Variants in PUM2 observed in about 807,000 individuals in gnomAD.
PUM2 encodes the protein pumilio homolog 2.
In PUM2, 57 loss-of-function variants were observed where a neutral mutation model predicts 124.5. The ratio of observed to expected loss-of-function variants is 0.46; its 90% confidence interval spans 0.37 to 0.57. PUM2 has a LOEUF of 0.57. PUM2 is among the 20% of genes least tolerant of loss of function. The pLI, the probability that PUM2 is intolerant of heterozygous loss-of-function variation, is 0.00. For missense variants in PUM2, 1,065 were observed against 1,290.6 expected (o/e 0.83, Z 2.68); for synonymous variants, 460 against 446.1 (o/e 1.03, Z -0.39).
chr2:20,265,356 T>C (rs1169511110), intron 13 of PUM2, among the ~76,000 whole-genome samples: 2 of 152,178 alleles, frequency 1.3e-5, no homozygotes, highest in African/African-American at 2.4e-5. Flanking sequence ...TCAGCACCCA[T>C]GCATGATATT....
chr2:20,299,349 C>T (rs1161024291), intron 7 of PUM2, among the ~76,000 whole-genome samples: 2 of 151,926 alleles, frequency 1.3e-5, no homozygotes, highest in African/African-American at 4.8e-5. Flanking sequence ...TCTGTGTTGT[C>T]ATGGCATGAG....
At chr2:20,307,083 G>A (rs1370340103) in intron 7 of PUM2, among the ~76,000 whole-genome samples, 1 of 152,054 alleles carries the variant, frequency 6.6e-6, no homozygotes, top group Admixed American at 6.5e-5. Flanking sequence ...AGATGTGGTG[G>A]CAGACGCCTG....
chr2:20,322,586 T>C lies in PUM2; in HGVS notation c.52-3941A>G, dbSNP rs567645375. Among the ~76,000 whole-genome samples the C allele has an allele frequency of 7.9e-5, 12 of 152,052 alleles. No homozygotes were observed. In the East Asian group the frequency reaches 2.3e-3, roughly 29 times the overall value. Reference sequence around the variant, plus strand: ...AATTAGCTGAGGCAGGCAGACTGCTTGAGCTCAGGAGTTGAAGACCAGCCT... The same window carrying C: ...AATTAGCTGAGGCAGGCAGACTGCTCGAGCTCAGGAGTTGAAGACCAGCCT... On this transcript the variant is annotated intron_variant, in intron 2 of 20. Coordinates refer to ENST00000361078, the MANE Select transcript of PUM2 (RefSeq NM_015317.5).
rs1191331478 is a variant in PUM2, at chr2:20,249,077, G to A, written c.*2508C>T. Reference sequence around the variant, plus strand: ...AGGCCTGAAAGTATTGGGAAGATTGGGTTGTCAGCACTGGGACAAATGGGA... The same window carrying A: ...AGGCCTGAAAGTATTGGGAAGATTGAGTTGTCAGCACTGGGACAAATGGGA... On this transcript the variant is annotated 3_prime_UTR_variant, in exon 21 of 21. Transcript: ENST00000361078. 2.0e-5 allele frequency: 3 copies of A among 152,204 alleles called. No individual in the cohort carries two copies. Among genetic ancestry groups the A allele is most frequent in the Non-Finnish European group, 4.4e-5 (3 of 68,056 alleles). 9.4% of individuals were successfully genotyped at this position (152,204 alleles called of 1,614,324 possible).
rs548675464 is a variant in PUM2 at position 20,321,220 on chromosome 2, G to A, written c.52-2575C>T. 3.3e-5 allele frequency among the ~76,000 whole-genome samples: 5 copies of A among 152,126 alleles called. No individual in the cohort carries two copies. In the South Asian group the frequency reaches 6.2e-4, roughly 19 times the overall value. ...GAAAATTGCTTGAATCTGGGAGGCCGAGGTTGCAGTGAGCCGAGATCGTGC... is the reference window on the plus strand; with the variant it reads ...GAAAATTGCTTGAATCTGGGAGGCCAAGGTTGCAGTGAGCCGAGATCGTGC... On this transcript the variant is annotated intron_variant, in intron 2 of 20. Coordinates refer to ENST00000361078, the MANE Select transcript of PUM2 (RefSeq NM_015317.5).
In PUM2 at chr2:20,345,000, A is replaced by G. The variant is rs7569647; in HGVS notation, c.-19+5597T>C. ...TCTGTCTCAAAAAAAAAAAAAAAAA[A>G]AAAAGAAAAGAAGATTCCGCTTTAC... On this transcript the variant is annotated intron_variant, in intron 1 of 20. Transcript: ENST00000361078. 9.6e-3 allele frequency among the ~76,000 whole-genome samples: 1,428 copies of G among 148,876 alleles called. 29 individuals are homozygous for G. The highest frequency in any genetic ancestry group is 0.031 in the African/African-American group (1,216 of 39,688).
At chr2:20,251,770 C>T in intron 20 of PUM2, 54 bp from the exon 21 acceptor site, 1 of 1,574,200 alleles carries the variant, frequency 6.4e-7, no homozygotes, top group South Asian at 1.1e-5. Context: ...TTTCTGATTT[C>T]TTAAAAAAGC....
At chr2:20,311,472 C>T in intron 5 of PUM2, 22 bp downstream of exon 5, 1 of 1,589,764 alleles carries the variant, frequency 6.3e-7, no homozygotes, top group African/African-American at 1.4e-5. Context: ...CGCTTTTCTT[C>T]TTGAGAAAGT....
intron 1 of PUM2, among the ~76,000 whole-genome samples, chr2:20,343,068 C>A (rs1428829194): frequency 1.3e-5 from 2 of 152,032 alleles, no homozygotes; most frequent in Admixed American, 6.6e-5. Flanking sequence ...CCTGCCTCAA[C>A]CTCTAGGGTT....
In PUM2 at chr2:20,251,772, TA is replaced by T. The variant is rs1663407215; in HGVS notation, c.3064-57del. 3 of 1,575,364 alleles carry T rather than the reference TA, an allele frequency of 1.9e-6. No individual in the cohort carries two copies. In the East Asian group the frequency reaches 6.7e-5, roughly 35 times the overall value. ...TAAGTCATTTTAGTTTCTGATTTCT[TA>T]AAAAAGCACCCCCAATTCTGGGTAA... On this transcript the variant is annotated intron_variant, in intron 20 of 20. Coordinates refer to ENST00000361078, the MANE Select transcript of PUM2 (RefSeq NM_015317.5).
Position 20,327,379 on chromosome 2 carries a change from C to T in PUM2, c.-18-1G>A, listed in dbSNP as rs77633517. On this transcript the variant is annotated splice_acceptor_variant, in intron 1 of 20. Transcript: ENST00000361078. LOFTEE classifies it low-confidence loss of function (5UTR_SPLICE). ...GATTCATTTCATCCACAGATCAAAC[C>T]TGTTGAATAACAAAAACAAAAATTA... is the stretch of plus-strand genomic sequence containing the variant. The T allele has an allele frequency of 6.4e-7, 1 of 1,550,742 alleles. No homozygotes were observed.
intron 1 of PUM2, chr2:20,350,318 C>T (rs2149207395): frequency 3.1e-6 from 1 of 320,380 alleles, no homozygotes; most frequent in Non-Finnish European, 4.5e-6. Context: ...AGAACCGGGT[C>T]GGCGCCCCAC....
chr2:20,267,421 G>GT (rs1667956839), intron 13 of PUM2, among the ~76,000 whole-genome samples: 1 of 152,142 alleles, frequency 6.6e-6, no homozygotes, highest in African/African-American at 2.4e-5. Flanking sequence ...TGATAAAGCG[G>GT]TAACATCTGG....
chr2:20,271,370 G>A (rs1180488492), intron 13 of PUM2, among the ~76,000 whole-genome samples: 1 of 152,158 alleles, frequency 6.6e-6, no homozygotes, highest in Non-Finnish European at 1.5e-5. Flanking sequence ...CTGGAATGCA[G>A]TGGCATAACG....
intron 19 of PUM2, among the ~76,000 whole-genome samples, chr2:20,254,448 T>C (rs1231252454): frequency 6.6e-6 from 1 of 152,158 alleles, no homozygotes; most frequent in Non-Finnish European, 1.5e-5. Flanking sequence ...TGTGAGACAC[T>C]GTACCCAGCC....
chr2:20,339,252 A>G (rs1237382865), intron 1 of PUM2, among the ~76,000 whole-genome samples: 1 of 152,168 alleles, frequency 6.6e-6, no homozygotes, highest in African/African-American at 2.4e-5. Context: ...AAGGTGGTAC[A>G]TATCTGTAAT....
chr2:20,350,405 A>C, intron 1 of PUM2, 192 bp downstream of exon 1: 9 of 774,324 alleles, frequency 1.2e-5, no homozygotes, highest in African/African-American at 1.9e-5. Flanking sequence ...CCGCACGCGC[A>C]CACCCCCTTC....
In PUM2 at chr2:20,290,736, C is replaced by T. The variant is rs764768542; in HGVS notation, c.1207G>A (p.Gly403Arg). 4 of 1,613,278 alleles carry T rather than the reference C, an allele frequency of 2.5e-6. No individual in the cohort carries two copies. Among genetic ancestry groups the T allele is most frequent in the South Asian group, 2.2e-5 (2 of 90,938 alleles). The change falls in exon 10 of 21, where the codon GGG becomes AGG. Residue 403 changes from glycine to arginine, a missense_variant. Gly to Arg is a moderately radical substitution (Grantham distance 125). Transcript: ENST00000361078. ...RPLTPNQGQQ[G>R]QQAESLAAAA... ...GCCGCAAGTGATTCTGCTTGCTGCC[C>T]TTGCTGACCCTGATTGGGAGTAAGA...
At chr2:20,267,180 G>A (rs907250945) in intron 13 of PUM2, among the ~76,000 whole-genome samples, 2 of 143,124 alleles carry the variant, frequency 1.4e-5, no homozygotes, top group African/African-American at 5.2e-5. Flanking sequence ...GTACCACCAT[G>A]CCCGGCTAAG....
Sources: gnomAD v4.1 joint callset for allele counts (sites outside exome capture counted in the v4.1 genomes callset) on GRCh38, gnomAD v4.1.1 for gene constraint, MANE v1.5 for transcripts, NCBI Gene and HGNC (gene_info 2026-07-23, HGNC 2026-07-21) for gene names.